The following RBFOX1 variants were observed in gnomAD, a reference collection of about 807,000 sequenced individuals.
The protein encoded by RBFOX1 is RNA binding fox-1 homolog 1.
In RBFOX1, 8 loss-of-function variants were observed where a neutral mutation model predicts 57.7. The ratio of observed to expected loss-of-function variants is 0.14; its 90% CI spans 0.08 to 0.25. The LOEUF (loss-of-function observed/expected upper bound fraction) is 0.25, where lower values mean the gene tolerates loss of function less well. Among genes scored for constraint, RBFOX1 ranks in the 10% least tolerant of loss-of-function variants. The pLI is 1.00. For missense variants in RBFOX1, 611 were observed against 548.5 expected (o/e 1.11, Z -1.14); for synonymous variants, 326 against 222.4 (o/e 1.47, Z -4.15).
Position 7,237,980 on chromosome 16 carries a change from G to C in RBFOX1, c.27+185882G>C, listed in dbSNP as rs1289185918. 2.6e-5 allele frequency among the ~76,000 whole-genome samples: 4 copies of C among 152,186 alleles called. No homozygotes were observed. In the East Asian group the frequency reaches 7.7e-4, roughly 29 times the overall value. ...CGTCGCGTCCCTGCACGCAAGCCTA[G>C]GCAAGAAAGCAAGACCCTGTCTCAA... is the stretch of plus-strand genomic sequence containing the variant. On this transcript the variant is annotated intron_variant, in intron 4 of 15. Transcript: ENST00000550418.
intron 1 of RBFOX1, among the ~76,000 whole-genome samples, chr16:5,322,030 G>A (rs2064424618): frequency 1.3e-5 from 2 of 152,114 alleles, no homozygotes; most frequent in Admixed American, 6.5e-5. Context: ...TCCTACAGAT[G>A]AAGAAGCTGA....
chr16:7,157,078 A>C (rs1180984199), intron 4 of RBFOX1, among the ~76,000 whole-genome samples: 1 of 152,184 alleles, frequency 6.6e-6, no homozygotes, highest in East Asian at 1.9e-4. Context: ...TGATTATGCT[A>C]CTAAATATTC....
intron 3 of RBFOX1, among the ~76,000 whole-genome samples, chr16:5,818,021 C>G (rs1170674439): frequency 6.6e-6 from 1 of 152,096 alleles, no homozygotes; most frequent in Non-Finnish European, 1.5e-5. Flanking sequence ...GCGTATTTGT[C>G]TTTATGGTGA....
At chr16:5,522,853 T>G (rs189457261) in intron 2 of RBFOX1, among the ~76,000 whole-genome samples, 1 of 152,234 alleles carries the variant, frequency 6.6e-6, no homozygotes, top group African/African-American at 2.4e-5. Context: ...CTATCCCAAC[T>G]GCTAAAATGA....
chr16:6,949,589 G>C lies in RBFOX1; in HGVS notation c.-15-102468G>C, dbSNP rs564990856. 2.2e-3 allele frequency among the ~76,000 whole-genome samples: 324 copies of C among 148,974 alleles called. 1 individual carries two copies. Among genetic ancestry groups the C allele is most frequent in the South Asian group, 3.7e-3 (17 of 4,652 alleles). On this transcript the variant is annotated intron_variant, in intron 3 of 15. Coordinates refer to ENST00000550418, the MANE Select transcript of RBFOX1 (RefSeq NM_018723.4). ...GTGTCCTCACTTGGCCTTTTTTTTT[G>C]TGCCTACGTGCATCTTGGATATCTC...
chr16:6,562,844 C>CTTTA (rs1567693211), intron 2 of RBFOX1, among the ~76,000 whole-genome samples: 11 of 38,184 alleles, frequency 2.9e-4, no homozygotes, highest in Non-Finnish European at 4.8e-4. Context: ...TTCTTTCTTT[C>CTTTA]TTTCTTTCTT....
At chr16:6,319,935 C>G (rs578068931) in intron 2 of RBFOX1, among the ~76,000 whole-genome samples, 63 of 152,076 alleles carry the variant, frequency 4.1e-4, no homozygotes, top group African/African-American at 1.5e-3. Context: ...TTATGTTTGT[C>G]TTTTTCTTTG....
chr16:6,113,201 T>C (rs566253029), intron 1 of RBFOX1, among the ~76,000 whole-genome samples: 1 of 152,298 alleles, frequency 6.6e-6, no homozygotes, highest in Admixed American at 6.5e-5. Context: ...CAGAGACTTC[T>C]TTGGACATTT....
intron 4 of RBFOX1, among the ~76,000 whole-genome samples, chr16:7,086,465 A>G (rs1163981290): frequency 6.6e-6 from 1 of 152,174 alleles, no homozygotes; most frequent in African/African-American, 2.4e-5. Context: ...TGCATTCCCC[A>G]TCCTCTCATT....
rs118004382 is a variant in RBFOX1 at position 6,576,355 on chromosome 16, G to A, written c.-63-78248G>A. 2.3e-3 allele frequency among the ~76,000 whole-genome samples: 344 copies of A among 152,286 alleles called. 2 individuals carry two copies. Among genetic ancestry groups the A allele is most frequent in the South Asian group, 6.8e-3 (33 of 4,822 alleles). ...ATCTTTGGGATGTGGGAGGAAACCG[G>A]AGTACCCGGAGAAAACCTACGCAGA... On this transcript the variant is annotated intron_variant, in intron 2 of 15. Transcript: ENST00000550418.
intron 10 of RBFOX1, among the ~76,000 whole-genome samples, chr16:7,623,864 G>C (rs1167641174): frequency 6.6e-6 from 1 of 152,086 alleles, no homozygotes; most frequent in Non-Finnish European, 1.5e-5. Context: ...CTTCTTGTAA[G>C]ATCTGTCAGA....
chr16:5,430,285 G>T (rs938273497), intron 1 of RBFOX1, among the ~76,000 whole-genome samples: 1 of 152,152 alleles, frequency 6.6e-6, no homozygotes, highest in African/African-American at 2.4e-5. Context: ...GTCAGGGGAG[G>T]CCTCTCAAAG....
intron 5 of RBFOX1, among the ~76,000 whole-genome samples, chr16:7,532,819 G>A (rs1390025633): frequency 6.6e-6 from 1 of 152,206 alleles, no homozygotes; most frequent in African/African-American, 2.4e-5. Context: ...AGAGCTCGAT[G>A]GCCCACAGAG....
chr16:6,611,770 C>G (rs1168019526), intron 2 of RBFOX1, among the ~76,000 whole-genome samples: 1 of 152,088 alleles, frequency 6.6e-6, no homozygotes, highest in African/African-American at 2.4e-5. Context: ...CAGAACTCAT[C>G]TTCCCCTTCT....
chr16:5,815,259 G>A (rs1050346302), intron 3 of RBFOX1, among the ~76,000 whole-genome samples: 4 of 147,578 alleles, frequency 2.7e-5, no homozygotes, highest in African/African-American at 7.5e-5. Context: ...CTCCCAAAGT[G>A]CTGGGATTAC....
chr16:6,149,810 A>T lies in RBFOX1; in HGVS notation c.-127+129818A>T, dbSNP rs548955425. Among the ~76,000 whole-genome samples, 90 of 152,278 alleles carry T rather than the reference A, an allele frequency of 5.9e-4. 2 individuals are homozygous for T. The South Asian group carries it at 0.018, about 31-fold the overall frequency. ...TGTTGGGAGGATAGAACTTATTTGG[A>T]GAACGTTTATGGCCTAATAGCTTGG... On this transcript the variant is annotated intron_variant, in intron 1 of 15. Coordinates refer to ENST00000550418, the MANE Select transcript of RBFOX1 (RefSeq NM_018723.4).
intron 2 of RBFOX1, among the ~76,000 whole-genome samples, chr16:6,651,640 C>T (rs905505614): frequency 7.2e-5 from 11 of 152,108 alleles, no homozygotes; most frequent in Admixed American, 6.5e-4. Context: ...CTGTGGAAAA[C>T]GGTAGGGTGG....
chr16:7,303,818 C>T (rs1182981492), intron 4 of RBFOX1, among the ~76,000 whole-genome samples: 1 of 151,306 alleles, frequency 6.6e-6, no homozygotes, highest in South Asian at 2.1e-4. Context: ...CTCTCCCTCT[C>T]TACCTCCGTC....
At chr16:5,896,417 A>T (rs1248179254) in intron 4 of RBFOX1, among the ~76,000 whole-genome samples, 1 of 151,902 alleles carries the variant, frequency 6.6e-6, no homozygotes, top group African/African-American at 2.4e-5. Flanking sequence ...TGATTGCTAA[A>T]AAAACCTGGC....
Sources: allele counts gnomAD v4.1 joint callset (sites outside exome capture counted in the v4.1 genomes callset), GRCh38; gene constraint gnomAD v4.1.1; transcripts MANE v1.5; gene names NCBI Gene and HGNC (gene_info 2026-07-23, HGNC 2026-07-21).